The following PCDHGA1 variants were observed in gnomAD, a reference collection of about 807,000 sequenced individuals.
The protein encoded by PCDHGA1 is protocadherin gamma-A1.
In PCDHGA1, 32 loss-of-function variants were observed where a neutral mutation model predicts 58.0. The ratio of observed to expected loss-of-function variants is 0.55; its 90% CI spans 0.42 to 0.74. The LOEUF (loss-of-function observed/expected upper bound fraction) is 0.74. Among genes scored for constraint, PCDHGA1 ranks in the 30% least tolerant of loss-of-function variants. The pLI is 0.00. For missense variants in PCDHGA1, 1,205 were observed against 1,182.3 expected (o/e 1.02, Z -0.28); for synonymous variants, 498 against 501.1 (o/e 0.99, Z 0.08).
Position 141,420,946 on chromosome 5 carries a change from A to G in PCDHGA1, c.2422-73861A>G, listed in dbSNP as rs1561791007. 5 of 400,268 alleles carry G rather than the reference A, an allele frequency of 1.2e-5. No homozygotes were observed. In the East Asian group the frequency reaches 1.7e-4, roughly 14 times the overall value. The allele number at this position is 400,268 out of a possible 1,614,324, so 24.8% of individuals were successfully genotyped here. A position where few individuals can be genotyped will look rare whatever the true frequency, so the allele number is the denominator to read the frequency against. ...AGGTGAGCGTAATCATTTCTTCTGG[A>G]ATTTCTTAGTCGTTGCAATAATAAG... On this transcript the variant is annotated intron_variant, in intron 1 of 3. Coordinates refer to ENST00000517417, the MANE Select transcript of PCDHGA1 (RefSeq NM_018912.3).
At position 141,375,466 on chromosome 5, in the gene PCDHGA1, C is replaced by G. The variant is rs569300391; in HGVS notation, c.2421+42361C>G. On this transcript the variant is annotated intron_variant, in intron 1 of 3. Coordinates refer to ENST00000517417, the MANE Select transcript of PCDHGA1 (RefSeq NM_018912.3). ...CCCATTCATCCTACTCAGTCTATGT[C>G]CTTGAAAACAACCCCAGGGGTGCCT... The G allele has an allele frequency of 2.5e-6, 4 of 1,614,016 alleles. No individual in the cohort carries two copies. In the African/African-American group the frequency reaches 4.0e-5, roughly 16 times the overall value.
At chr5:141,352,791 AC>A in intron 1 of PCDHGA1, 1 of 1,005,990 alleles carries the variant, frequency 9.9e-7, no homozygotes, top group Non-Finnish European at 1.4e-6. Context: ...GGAGTTTGAG[AC>A]CAGCATAGCC....
intron 1 of PCDHGA1, among the ~76,000 whole-genome samples, chr5:141,452,674 G>A (rs2098746885): frequency 6.6e-6 from 1 of 151,936 alleles, no homozygotes; most frequent in Non-Finnish European, 1.5e-5. Context: ...TCCAGCCTAG[G>A]CCACAGAATG....
chr5:141,364,525 C>T (rs763615712), intron 1 of PCDHGA1: 1 of 1,613,944 alleles, frequency 6.2e-7, no homozygotes, highest in African/African-American at 1.3e-5. Flanking sequence ...GCGGAGTCCG[C>T]ATCGTCTCCA....
intron 1 of PCDHGA1, among the ~76,000 whole-genome samples, chr5:141,451,429 G>A (rs577699188): frequency 1.3e-3 from 195 of 152,306 alleles, no homozygotes; most frequent in African/African-American, 4.5e-3. Flanking sequence ...TAGACTAAGG[G>A]TTCCAGTTCC....
Position 141,486,092 on chromosome 5 carries a change from C to G in PCDHGA1, c.2422-8715C>G. ...TACTGGAAAGCTTACTCTTTTGGGG[C>G]CCCTAGACTTTGAGAGTGAGAATTA... On this transcript the variant is annotated intron_variant, in intron 1 of 3. Transcript: ENST00000517417. The surrounding 1 kb of genome is among the most constrained non-coding windows in gnomAD (Gnocchi z 5.0). The G allele has an allele frequency of 6.2e-7, 1 of 1,614,148 alleles. No individual in the cohort carries two copies. Among genetic ancestry groups the G allele is most frequent in the South Asian group, 1.1e-5 (1 of 91,080 alleles).
intron 1 of PCDHGA1, chr5:141,415,485 T>C (rs2154545779): frequency 6.2e-7 from 1 of 1,614,044 alleles, no homozygotes; most frequent in South Asian, 1.1e-5. Flanking sequence ...CGCGAAAGAG[T>C]CACCTGATCT....
At chr5:141,340,137 A>G (rs769475009) in intron 1 of PCDHGA1, 2 of 1,614,200 alleles carry the variant, frequency 1.2e-6, no homozygotes, top group Non-Finnish European at 8.5e-7. Context: ...CTCCCCGAGG[A>G]TCTTCCTTTT....
rs1346617051 is a variant in PCDHGA1 at position 141,330,782 on chromosome 5, A to G, written c.98A>G (p.Tyr33Cys). Residue 33 changes from tyrosine to cysteine, a missense_variant, in exon 1 of 4, where the codon TAC becomes TGC. Tyr to Cys is a radical substitution (Grantham distance 194). Transcript: ENST00000517417. Reference sequence around the variant, plus strand: ...GAAGCTGGGGCTGGGAATATTCACTACTCAGTGCCGGAAGAGACAGACAAA... The same window carrying G: ...GAAGCTGGGGCTGGGAATATTCACTGCTCAGTGCCGGAAGAGACAGACAAA... ...LLEAGAGNIHYSVPEETDKGS... is the reference protein window; with the variant it reads ...LLEAGAGNIHCSVPEETDKGS... 6 of 1,614,006 alleles carry G rather than the reference A, an allele frequency of 3.7e-6. 1 individual carries two copies. Among genetic ancestry groups the G allele is most frequent in the South Asian group, 2.2e-5 (2 of 91,080 alleles).
intron 1 of PCDHGA1, chr5:141,366,943 A>G (rs1481461689): frequency 3.9e-6 from 3 of 775,624 alleles, no homozygotes; most frequent in Non-Finnish European, 5.9e-6. Context: ...AGTCTAGCTG[A>G]TATCTGTAGA....
At chr5:141,408,947 ATTAGTC>A in intron 1 of PCDHGA1, 6 of 1,613,666 alleles carry the variant, frequency 3.7e-6, no homozygotes, top group Non-Finnish European at 5.1e-6. Context: ...CGAATATAGA[ATTAGTC>A]TTAGTGAAAA....
intron 1 of PCDHGA1, chr5:141,383,685 C>T: frequency 3.1e-6 from 5 of 1,614,018 alleles, no homozygotes; most frequent in Non-Finnish European, 4.2e-6. Context: ...CAAGACTGCT[C>T]ACGGTACATG....
At chr5:141,408,248 G>A in intron 1 of PCDHGA1, 1 of 1,593,412 alleles carries the variant, frequency 6.3e-7, no homozygotes, top group East Asian at 2.3e-5. Context: ...CCCGCGGCAG[G>A]TGCTATTTCC....
At chr5:141,453,420 C>A (rs2098764964) in intron 1 of PCDHGA1, among the ~76,000 whole-genome samples, 1 of 152,054 alleles carries the variant, frequency 6.6e-6, no homozygotes, top group African/African-American at 2.4e-5. Context: ...GCATAAGCCA[C>A]CACACCTAGC....
intron 1 of PCDHGA1, chr5:141,362,490 C>T: frequency 6.2e-7 from 1 of 1,614,048 alleles, no homozygotes; most frequent in Non-Finnish European, 8.5e-7. Flanking sequence ...GTGACAATGC[C>T]TCTTGGGAAC....
At chr5:141,394,754 G>T (rs753264235) in intron 1 of PCDHGA1, 2 of 1,613,428 alleles carry the variant, frequency 1.2e-6, no homozygotes, top group Non-Finnish European at 1.7e-6. Context: ...TGGCCGTCCA[G>T]GACCATGGCC....
chr5:141,351,960 G>A, intron 1 of PCDHGA1: 1 of 1,612,894 alleles, frequency 6.2e-7, no homozygotes, highest in Non-Finnish European at 8.5e-7. Flanking sequence ...GGGCCTGATG[G>A]CTCCGCCCTC....
At chr5:141,455,552 G>T (rs897699654) in intron 1 of PCDHGA1, among the ~76,000 whole-genome samples, 1 of 152,144 alleles carries the variant, frequency 6.6e-6, no homozygotes, top group African/African-American at 2.4e-5. Flanking sequence ...CGTAGCCCGA[G>T]AAAAAGCTGG....
chr5:141,446,279 G>A (rs1326701686), intron 1 of PCDHGA1, among the ~76,000 whole-genome samples: 1 of 152,096 alleles, frequency 6.6e-6, no homozygotes, highest in African/African-American at 2.4e-5. Context: ...AAATACAATG[G>A]ATAAATGGGG....
Sources: allele counts gnomAD v4.1 joint callset (sites outside exome capture counted in the v4.1 genomes callset), GRCh38; gene constraint gnomAD v4.1.1; non-coding constraint Gnocchi (gnomAD v3.1); transcripts MANE v1.5; gene names NCBI Gene and HGNC (gene_info 2026-07-23, HGNC 2026-07-21).